C16orf87: variants seen among roughly 807,000 people sequenced by gnomAD.
C16orf87 encodes UPF0547 protein C16orf87.
A neutral mutation model predicts 21.0 loss-of-function variants in C16orf87; 13 were observed. The ratio of observed to expected loss-of-function variants is 0.62; its 90% CI spans 0.40 to 0.98. The LOEUF (loss-of-function observed/expected upper bound fraction) is 0.98. C16orf87 is among the 50% of genes least tolerant of loss of function. C16orf87 has a pLI of 0.00. For missense variants in C16orf87, 113 were observed against 180.4 expected (o/e 0.63, Z 2.14); for synonymous variants, 49 against 60.2 (o/e 0.81, Z 0.86).
rs1387523176 is a variant in C16orf87, at chr16:46,797,313, T to A, written c.*5639A>T. ...TTCTTAAAAATATCTATGATAGTTGTAAGGAAAAAATACATTATCTGATGA... is the reference window on the plus strand; with the variant it reads ...TTCTTAAAAATATCTATGATAGTTGAAAGGAAAAAATACATTATCTGATGA... On this transcript the variant is annotated 3_prime_UTR_variant, in exon 4 of 4. Transcript: ENST00000285697. The A allele has an allele frequency of 6.6e-6, 1 of 151,784 alleles. No homozygotes were observed. The highest frequency in any genetic ancestry group is 1.5e-5 in the Non-Finnish European group (1 of 67,766). 9.4% of individuals were successfully genotyped at this position (151,784 alleles called of 1,614,324 possible). A position where few individuals can be genotyped will look rare whatever the true frequency, so the allele number is the denominator to read the frequency against.
chr16:46,803,709 T>G (rs887892500), intron 3 of C16orf87, among the ~76,000 whole-genome samples: 1 of 152,038 alleles, frequency 6.6e-6, no homozygotes, highest in Admixed American at 6.5e-5. Context: ...CAAATCATTT[T>G]TATAAAACTT....
Position 46,802,519 on chromosome 16 carries a change from A to C in C16orf87, c.*433T>G, listed in dbSNP as rs1454336338. 2.0e-5 allele frequency: 3 copies of C among 153,214 alleles called. No individual in the cohort carries two copies. Among genetic ancestry groups the C allele is most frequent in the African/African-American group, 7.2e-5 (3 of 41,466 alleles). The allele number at this position is 153,214 out of a possible 1,614,324, so 9.5% of individuals were successfully genotyped here. On this transcript the variant is annotated 3_prime_UTR_variant, in exon 4 of 4. Transcript: ENST00000285697. ...ATATATGCAATCTGTTAGCACTGAA[A>C]ATCTGAAATATATATTTTTAAAAAT...
At chr16:46,817,900 T>C (rs1959252497) in intron 2 of C16orf87, among the ~76,000 whole-genome samples, 1 of 146,614 alleles carries the variant, frequency 6.8e-6, no homozygotes, top group African/African-American at 2.5e-5. Flanking sequence ...AGGTATGCAT[T>C]TTTTTCATCA....
intron 2 of C16orf87, among the ~76,000 whole-genome samples, chr16:46,812,527 T>C (rs1400629949): frequency 6.6e-6 from 1 of 152,166 alleles, no homozygotes; most frequent in African/African-American, 2.4e-5. Flanking sequence ...GTAGACAGGA[T>C]TGTGGATGGG....
rs1967681766 is a variant in C16orf87, at chr16:46,798,564, A to G, written c.*4388T>C. 6.6e-6 allele frequency: 1 copy of G among 152,132 alleles called. No individual in the cohort carries two copies. The highest frequency in any genetic ancestry group is 2.4e-5 in the African/African-American group (1 of 41,402). 9.4% of individuals were successfully genotyped at this position (152,132 alleles called of 1,614,324 possible). The stretch of plus-strand genomic sequence containing the variant: ...GGAGTTGAAGACCAGCCTGGCCAAC[A>G]TGGTAAAAACCTATCTCTACTAAAA... On this transcript the variant is annotated 3_prime_UTR_variant, in exon 4 of 4. Transcript: ENST00000285697.
Position 46,800,210 on chromosome 16 carries a change from TAAAG to T in C16orf87, c.*2738_*2741del, listed in dbSNP as rs1967731821. 6.6e-6 allele frequency: 1 copy of T among 151,598 alleles called. No individual in the cohort carries two copies. Among genetic ancestry groups the T allele is most frequent in the South Asian group, 2.1e-4 (1 of 4,804 alleles). 9.4% of individuals were successfully genotyped at this position (151,598 alleles called of 1,614,324 possible). A position where few individuals can be genotyped will look rare whatever the true frequency, so the allele number is the denominator to read the frequency against. On this transcript the variant is annotated 3_prime_UTR_variant, in exon 4 of 4. Transcript: ENST00000285697. ...TTTTTTCTTAAGTATTTCTGAAATT[TAAAG>T]AAATAAGAATAGACTGGCTAAATTT...
At position 46,828,101 on chromosome 16, in the gene C16orf87, T is replaced by C. The variant is rs937642727; in HGVS notation, c.66+2983A>G. On this transcript the variant is annotated intron_variant, in intron 1 of 3. Transcript: ENST00000285697. ...AGAGGTGCATGCCACCACACCCAGC[T>C]AATTTTTTAGTAGAGACAGGGTTTC... Among the ~76,000 whole-genome samples, 8 of 151,968 alleles carry C rather than the reference T, an allele frequency of 5.3e-5. No individual in the cohort carries two copies. The East Asian group carries it at 1.5e-3, about 29-fold the overall frequency.
intron 2 of C16orf87, among the ~76,000 whole-genome samples, chr16:46,814,023 A>C (rs1275071440): frequency 6.6e-6 from 1 of 152,182 alleles, no homozygotes; most frequent in African/African-American, 2.4e-5. Flanking sequence ...CCTTCTCAAA[A>C]TCCCATTGAA....
intron 2 of C16orf87, among the ~76,000 whole-genome samples, chr16:46,814,123 A>T (rs748989452): frequency 1.3e-5 from 2 of 152,222 alleles, no homozygotes; most frequent in African/African-American, 2.4e-5. Context: ...AATGACCCAA[A>T]ATTACAGAAT....
chr16:46,823,969 G>T (rs1357960789), intron 2 of C16orf87, among the ~76,000 whole-genome samples: 2 of 152,158 alleles, frequency 1.3e-5, no homozygotes, highest in Non-Finnish European at 2.9e-5. Flanking sequence ...TGAAATTGAT[G>T]AATGTTCATA....
At chr16:46,826,777 G>A (rs909400368) in intron 1 of C16orf87, among the ~76,000 whole-genome samples, 1 of 152,142 alleles carries the variant, frequency 6.6e-6, no homozygotes. Context: ...CAAAGGCACT[G>A]ACTCATTTCC....
chr16:46,827,936 A>C (rs1475094230), intron 1 of C16orf87, among the ~76,000 whole-genome samples: 2 of 139,754 alleles, frequency 1.4e-5, no homozygotes, highest in Admixed American at 1.5e-4. Context: ...TGTTTCACTG[A>C]TTTTTTTACT....
intron 2 of C16orf87, among the ~76,000 whole-genome samples, chr16:46,816,097 T>A (rs1301981258): frequency 1.3e-5 from 2 of 152,212 alleles, no homozygotes; most frequent in African/African-American, 4.8e-5. Flanking sequence ...GAATGAAACC[T>A]TGAGGACACT....
At chr16:46,819,749 CG>C (rs1311851147) in intron 2 of C16orf87, among the ~76,000 whole-genome samples, 1 of 151,334 alleles carries the variant, frequency 6.6e-6, no homozygotes, top group African/African-American at 2.4e-5. Context: ...CCGAGGCGGG[CG>C]GATTACCTGA....
intron 2 of C16orf87, among the ~76,000 whole-genome samples, chr16:46,819,484 A>T (rs1258970306): frequency 6.6e-6 from 1 of 151,350 alleles, no homozygotes; most frequent in Non-Finnish European, 1.5e-5. Context: ...TAATTTTTGT[A>T]TTTTTAGCAG....
intron 2 of C16orf87, among the ~76,000 whole-genome samples, chr16:46,814,762 A>G (rs1176168538): frequency 6.6e-6 from 1 of 152,212 alleles, no homozygotes; most frequent in Non-Finnish European, 1.5e-5. Context: ...AAGAACAAAG[A>G]TAGTTCAACA....
intron 2 of C16orf87, among the ~76,000 whole-genome samples, chr16:46,812,877 T>C (rs1171926239): frequency 6.6e-6 from 1 of 152,176 alleles, no homozygotes; most frequent in African/African-American, 2.4e-5. Context: ...TCTTACACCA[T>C]CTCTCAAAAA....
At chr16:46,809,881 G>C (rs1028778266) in intron 2 of C16orf87, 96 bp from the exon 3 acceptor site, 6 of 712,040 alleles carry the variant, frequency 8.4e-6, no homozygotes, top group Non-Finnish European at 1.4e-5. Context: ...AATAGCACTA[G>C]AGTATGCTTC....
intron 1 of C16orf87, among the ~76,000 whole-genome samples, chr16:46,827,486 T>C (rs1959662037): frequency 6.6e-6 from 1 of 152,226 alleles, no homozygotes; most frequent in Non-Finnish European, 1.5e-5. Context: ...TTCAAAGTAT[T>C]GTTTACTGAT....
Sources: allele counts gnomAD v4.1 joint callset (sites outside exome capture counted in the v4.1 genomes callset), GRCh38; gene constraint gnomAD v4.1.1; transcripts MANE v1.5; gene names NCBI Gene and HGNC (gene_info 2026-07-23, HGNC 2026-07-21).